Variants in RNPS1 observed in about 807,000 individuals in gnomAD.
The protein encoded by RNPS1 is RNA binding protein with serine rich domain 1, also known as RNA-binding protein with serine-rich domain 1.
For synonymous variants in RNPS1, 147 were observed against 150.0 expected (o/e 0.98, Z 0.15); for missense variants, 300 against 427.6 (o/e 0.70, Z 2.63).
At chr16:2,266,395 G>C in intron 1 of RNPS1, 3 of 985,362 alleles carry the variant, frequency 3.0e-6, no homozygotes, top group Non-Finnish European at 3.6e-6. Flanking sequence ...CAATCAGTGA[G>C]TATCATTCAG....
chr16:2,257,825 A>G (rs2093585361), intron 6 of RNPS1: 1 of 152,264 alleles, frequency 6.6e-6, no homozygotes, highest in African/African-American at 2.4e-5. Flanking sequence ...AAACCAGCTA[A>G]GCTACTTATA....
intron 6 of RNPS1, chr16:2,256,138 A>G (rs1264258557): frequency 9.8e-6 from 2 of 203,736 alleles, no homozygotes; most frequent in South Asian, 6.5e-5. Context: ...AAAAAAAAAG[A>G]TAATCACAGA....
intron 1 of RNPS1, chr16:2,267,464 A>G: frequency 1.0e-6 from 1 of 975,346 alleles, no homozygotes; most frequent in Non-Finnish European, 1.2e-6. Flanking sequence ...TGCTCGGTCC[A>G]TAGTGGGCCG....
chr16:2,254,093 T>C, intron 7 of RNPS1, 30 bp from the exon 8 acceptor site: 1 of 1,422,980 alleles, frequency 7.0e-7, no homozygotes, highest in African/African-American at 1.4e-5. Flanking sequence ...CACATCAGAG[T>C]AGCTCAGGCT....
chr16:2,268,010 G>A (rs1217478625), intron 1 of RNPS1, 45 bp downstream of exon 1: 2 of 1,533,636 alleles, frequency 1.3e-6, no homozygotes, highest in East Asian at 4.9e-5. Context: ...GGCCTGCCGG[G>A]CAGCCCCCGA....
chr16:2,259,083 A>G (rs2093591106), intron 6 of RNPS1, among the ~76,000 whole-genome samples: 2 of 147,000 alleles, frequency 1.4e-5, no homozygotes, highest in Non-Finnish European at 3.0e-5. Context: ...AGATTGCACC[A>G]TTGTACTCCA....
chr16:2,258,255 C>G (rs1225341942), intron 6 of RNPS1: 4 of 152,146 alleles, frequency 2.6e-5, no homozygotes, highest in African/African-American at 9.7e-5. Flanking sequence ...CAAATGTATT[C>G]TATGTAAGAA....
chr16:2,261,144 ATT>A (rs1194538207), intron 6 of RNPS1, among the ~76,000 whole-genome samples: 1 of 151,968 alleles, frequency 6.6e-6, no homozygotes, highest in Non-Finnish European at 1.5e-5. Context: ...AAAAAAAAAA[ATT>A]GTTTCAAAAA....
chr16:2,260,960 C>A (rs2093600820), intron 6 of RNPS1, among the ~76,000 whole-genome samples: 1 of 152,128 alleles, frequency 6.6e-6, no homozygotes, highest in South Asian at 2.1e-4. Flanking sequence ...GAAACCCCGT[C>A]TCTACTAAAA....
At chr16:2,266,524 C>A in intron 1 of RNPS1, 5 of 959,860 alleles carry the variant, frequency 5.2e-6, no homozygotes, top group Non-Finnish European at 6.2e-6. Flanking sequence ...GTGACAATTA[C>A]AGTTCCAACC....
At position 2,262,342 on chromosome 16, in the gene RNPS1, G is replaced by A. The variant is rs1447445409; in HGVS notation, c.612C>T (p.Gly204=). 1 of 1,613,994 alleles carries A rather than the reference G, an allele frequency of 6.2e-7. No homozygotes were observed. The highest frequency in any genetic ancestry group is 1.3e-5 in the African/African-American group (1 of 74,916). The part of the protein sequence containing the change: ...VERMHPHLSK[G]YAYVEFENPD... ...GATTCTCAAACTCTACGTACGCATA[G>A]CCTTTGGACAGATGGGGATGCATCC... Residue 204 remains glycine (G), a synonymous_variant, in exon 6 of 8, where the codon GGC becomes GGT. Transcript: ENST00000320225.
At chr16:2,266,427 C>T in intron 1 of RNPS1, 7 of 982,726 alleles carry the variant, frequency 7.1e-6, no homozygotes, top group Non-Finnish European at 8.5e-6. Flanking sequence ...GAGTCTGGAG[C>T]CAGAGGGCCT....
chr16:2,254,090 G>C, intron 7 of RNPS1, 27 bp from the exon 8 acceptor site: 1 of 1,436,004 alleles, frequency 7.0e-7, no homozygotes, highest in Non-Finnish European at 9.2e-7. Flanking sequence ...AACCACATCA[G>C]AGTAGCTCAG....
Position 2,262,832 on chromosome 16 carries a change from G to A in RNPS1, c.430C>T (p.Pro144Ser), listed in dbSNP as rs2093608689. 1 of 1,613,890 alleles carries A rather than the reference G, an allele frequency of 6.2e-7. No individual in the cohort carries two copies. The highest frequency in any genetic ancestry group is 1.7e-4 in the Middle Eastern group (1 of 6,050). The change falls in exon 5 of 8, where the codon CCT (proline) becomes TCT (serine). Residue 144 changes from proline to serine, a missense_variant. By Grantham distance (74) the Pro-to-Ser change is moderately conservative (BLOSUM62 -1). Transcript: ENST00000320225. ...RRRSRSKSKP[P>S]KRDEKERKRR... is the part of the protein sequence containing the mutation. ...TTCCTCTCCTTTTCATCTCTTTTAG[G>A]TGGTTTGGATCTGATTGAGAAAACA...
intron 1 of RNPS1, chr16:2,267,288 G>A (rs1328368270): frequency 4.1e-6 from 4 of 984,110 alleles, no homozygotes; most frequent in East Asian, 2.3e-4. Flanking sequence ...AGGAGAGGGC[G>A]TTTCGGCACA....
intron 4 of RNPS1, 42 bp downstream of exon 4, chr16:2,263,054 C>A: frequency 6.3e-7 from 1 of 1,594,012 alleles, no homozygotes; most frequent in Non-Finnish European, 8.6e-7. Flanking sequence ...AATCTGTAGC[C>A]CCGAGCTTGT....
Position 2,258,926 on chromosome 16 carries a change from C to T in RNPS1, c.677-3200G>A, listed in dbSNP as rs1182677317. On this transcript the variant is annotated intron_variant, in intron 6 of 7. Coordinates refer to ENST00000320225, the MANE Select transcript of RNPS1 (RefSeq NM_080594.4). ...TCACCTGAGGTCTGGAGTTCAAGAC[C>T]AACCTGGCCAACATGGTGAAACCAT... Among the ~76,000 whole-genome samples the T allele has an allele frequency of 2.0e-5, 3 of 151,314 alleles. No individual in the cohort carries two copies. The East Asian group carries it at 5.8e-4, about 29-fold the overall frequency.
chr16:2,262,761 T>C lies in RNPS1; in HGVS notation c.501A>G (p.Arg167=), dbSNP rs1299671546. The change falls in exon 5 of 8, where the codon AGA becomes AGG. Residue 167 remains arginine, a synonymous_variant. Coordinates refer to ENST00000320225, the MANE Select transcript of RNPS1 (RefSeq NM_080594.4). ...TCACCTTTGTCACATTCCGGGTGAGTCTCCCAATGTGCACTTTGGTGGGCT... is the reference window on the plus strand; with the variant it reads ...TCACCTTTGTCACATTCCGGGTGAGCCTCCCAATGTGCACTTTGGTGGGCT... ...SPKPTKVHIG[R]LTRNVTKDHI... The C allele has an allele frequency of 6.2e-7, 1 of 1,612,800 alleles. No homozygotes were observed. Among genetic ancestry groups the C allele is most frequent in the African/African-American group, 1.3e-5 (1 of 74,886 alleles).
At chr16:2,259,860 G>A (rs1316067654) in intron 6 of RNPS1, among the ~76,000 whole-genome samples, 1 of 152,208 alleles carries the variant, frequency 6.6e-6, no homozygotes, top group Non-Finnish European at 1.5e-5. Context: ...CTGCACTCCA[G>A]CCTGGGCGAC....
Sources: allele counts gnomAD v4.1 joint callset (sites outside exome capture counted in the v4.1 genomes callset), GRCh38; gene constraint gnomAD v4.1.1; transcripts MANE v1.5; gene names NCBI Gene and HGNC (gene_info 2026-07-23, HGNC 2026-07-21).